Variants in GNAI3 observed in about 807,000 individuals in gnomAD.
GNAI3 encodes the protein G protein subunit alpha i3.
A neutral mutation model predicts 41.8 loss-of-function variants in GNAI3; 12 were observed. The ratio of observed to expected loss-of-function variants is 0.29; its 90% CI spans 0.18 to 0.47. The LOEUF (loss-of-function observed/expected upper bound fraction) is 0.47. GNAI3 is among the 20% of genes least tolerant of loss of function. The pLI, the probability that GNAI3 is intolerant of heterozygous loss-of-function variation, is 1.00. For synonymous variants in GNAI3, 132 were observed against 146.5 expected (o/e 0.90, Z 0.71); for missense variants, 360 against 429.6 (o/e 0.84, Z 1.43).
intron 1 of GNAI3, among the ~76,000 whole-genome samples, chr1:109,569,246 C>T (rs1229759287): frequency 6.6e-6 from 1 of 152,202 alleles, no homozygotes; most frequent in African/African-American, 2.4e-5. Context: ...TCCTAACCCC[C>T]TGCATAGTTC....
rs190125896 is a variant in GNAI3 at position 109,598,142 on chromosome 1, C to T, written c.*5820C>T. The stretch of plus-strand genomic sequence containing the variant: ...TCCTCTTATCTTTTACCTCTCCCTA[C>T]GCCCAAAATTCTCCTTAGGTTATCC... On this transcript the variant is annotated 3_prime_UTR_variant, in exon 9 of 9. Transcript: ENST00000369851. The T allele has an allele frequency of 3.3e-5, 5 of 152,202 alleles. No homozygotes were observed. Among genetic ancestry groups the T allele is most frequent in the Non-Finnish European group, 5.9e-5 (4 of 68,042 alleles). 9.4% of individuals were successfully genotyped at this position (152,202 alleles called of 1,614,324 possible).
intron 1 of GNAI3, among the ~76,000 whole-genome samples, chr1:109,553,380 T>A (rs1648046256): frequency 6.6e-6 from 1 of 152,184 alleles, no homozygotes; most frequent in Non-Finnish European, 1.5e-5. Flanking sequence ...TTGCTGGTGG[T>A]AGTATGGCAA....
intron 1 of GNAI3, among the ~76,000 whole-genome samples, chr1:109,561,239 C>T (rs1315916149): frequency 6.6e-6 from 1 of 152,106 alleles, no homozygotes; most frequent in Non-Finnish European, 1.5e-5. Context: ...TGAAGTAGTT[C>T]TTTCAACTTT....
At position 109,599,087 on chromosome 1, in the gene GNAI3, G is replaced by A. The variant is rs1247921834; in HGVS notation, c.*6765G>A. 1 of 319,820 alleles carries A rather than the reference G, an allele frequency of 3.1e-6. No individual in the cohort carries two copies. The highest frequency in any genetic ancestry group is 7.4e-6 in the Non-Finnish European group (1 of 135,302). The allele number at this position is 319,820 out of a possible 1,614,324, so 19.8% of individuals were successfully genotyped here. ...GGACTATTTGGAGGTACATGTGAGTGGATTTTATTACCAGAGTAGGAACTG... is the reference window on the plus strand; with the variant it reads ...GGACTATTTGGAGGTACATGTGAGTAGATTTTATTACCAGAGTAGGAACTG... On this transcript the variant is annotated 3_prime_UTR_variant, in exon 9 of 9. Coordinates refer to ENST00000369851, the MANE Select transcript of GNAI3 (RefSeq NM_006496.4).
At chr1:109,566,200 A>G (rs1477491708) in intron 1 of GNAI3, among the ~76,000 whole-genome samples, 1 of 152,194 alleles carries the variant, frequency 6.6e-6, no homozygotes, top group Non-Finnish European at 1.5e-5. Context: ...TCTGAGTTGA[A>G]TAGGGGTTTT....
chr1:109,568,947 C>T (rs1217951695), intron 1 of GNAI3, among the ~76,000 whole-genome samples: 1 of 152,164 alleles, frequency 6.6e-6, no homozygotes, highest in Non-Finnish European at 1.5e-5. Flanking sequence ...CTGCCTTGGC[C>T]TCCCAGAGTG....
chr1:109,558,809 A>G (rs370881030), intron 1 of GNAI3, among the ~76,000 whole-genome samples: 1 of 152,112 alleles, frequency 6.6e-6, no homozygotes, highest in African/African-American at 2.4e-5. Flanking sequence ...CTTTGTTTTT[A>G]CCTTTAGTTT....
rs767673555 is a variant in GNAI3 at position 109,597,139 on chromosome 1, T to C, written c.*4817T>C. 13 of 152,176 alleles carry C rather than the reference T, an allele frequency of 8.5e-5. No individual in the cohort carries two copies. The highest frequency in any genetic ancestry group is 1.5e-4 in the Non-Finnish European group (10 of 68,032). 9.4% of individuals were successfully genotyped at this position (152,176 alleles called of 1,614,324 possible). On this transcript the variant is annotated 3_prime_UTR_variant, in exon 9 of 9. Transcript: ENST00000369851. ...TTTGGAGCATTTTAGATTTTGGATT[T>C]TCAGATTTGAAATGCTCAATCTATA...
chr1:109,579,881 A>G (rs897237140), intron 4 of GNAI3, among the ~76,000 whole-genome samples: 2 of 152,184 alleles, frequency 1.3e-5, no homozygotes, highest in African/African-American at 4.8e-5. Flanking sequence ...TTTGTCAAGG[A>G]TATTATCTTG....
chr1:109,584,361 G>T (rs1648983978), intron 5 of GNAI3, among the ~76,000 whole-genome samples: 1 of 152,220 alleles, frequency 6.6e-6, no homozygotes, highest in Non-Finnish European at 1.5e-5. Context: ...TCACTCGTGA[G>T]ACCATAAGAA....
intron 7 of GNAI3, among the ~76,000 whole-genome samples, chr1:109,591,226 T>C (rs1293986654): frequency 2.6e-5 from 4 of 152,200 alleles, no homozygotes; most frequent in Non-Finnish European, 4.4e-5. Context: ...ATTTAAATTA[T>C]TACCTTAAGG....
intron 1 of GNAI3, among the ~76,000 whole-genome samples, chr1:109,554,666 A>G (rs1648095720): frequency 6.6e-6 from 1 of 151,700 alleles, no homozygotes; most frequent in South Asian, 2.1e-4. Flanking sequence ...GGTTGTCTGT[A>G]CTCTGCTGAT....
At chr1:109,578,384 C>T (rs1184133108) in intron 3 of GNAI3, among the ~76,000 whole-genome samples, 5 of 148,952 alleles carry the variant, frequency 3.4e-5, no homozygotes, top group Admixed American at 1.4e-4. Context: ...GCAGGAGAAT[C>T]GCTAGAACCC....
chr1:109,570,524 C>G (rs1026393481), intron 1 of GNAI3, among the ~76,000 whole-genome samples: 3 of 152,108 alleles, frequency 2.0e-5, no homozygotes, highest in Non-Finnish European at 2.9e-5. Context: ...AAATATAACA[C>G]AGAATAAGGG....
chr1:109,590,882 C>T (rs984852935), intron 7 of GNAI3, among the ~76,000 whole-genome samples: 6 of 152,012 alleles, frequency 3.9e-5, no homozygotes, highest in African/African-American at 4.8e-5. Context: ...TCTTAAGCTC[C>T]GTTTTGTTAC....
Position 109,597,762 on chromosome 1 carries a change from C to T in GNAI3, c.*5440C>T, listed in dbSNP as rs189048454. ...TTTATGCAGTGAAAATTGAAAGATA[C>T]ACCAAATTAAAGATAAAACCCTGTG... On this transcript the variant is annotated 3_prime_UTR_variant, in exon 9 of 9. Coordinates refer to ENST00000369851, the MANE Select transcript of GNAI3 (RefSeq NM_006496.4). The T allele has an allele frequency of 1.6e-3, 241 of 152,246 alleles. No individual in the cohort carries two copies. Among genetic ancestry groups the T allele is most frequent in the African/African-American group, 5.4e-3 (223 of 41,548 alleles). 9.4% of individuals were successfully genotyped at this position (152,246 alleles called of 1,614,324 possible).
rs183382334 is a variant in GNAI3 at position 109,582,393 on chromosome 1, A to G, written c.462-44A>G. ...TTTAGTCTGTTCATTTGCTATGCAC[A>G]TGGTTGGCTTCACCAAGTAAAAGTA... On this transcript the variant is annotated intron_variant, in intron 4 of 8. Transcript: ENST00000369851. The G allele has an allele frequency of 1.6e-5, 25 of 1,546,050 alleles. No homozygotes were observed. In the East Asian group the frequency reaches 3.8e-4, roughly 24 times the overall value.
At chr1:109,559,004 C>G (rs1424093953) in intron 1 of GNAI3, among the ~76,000 whole-genome samples, 1 of 151,934 alleles carries the variant, frequency 6.6e-6, no homozygotes, top group African/African-American at 2.4e-5. Context: ...TGGTGAAACT[C>G]CATCTCTACT....
rs1649334276 is a variant in GNAI3, at chr1:109,597,421, C to T, written c.*5099C>T. 6.6e-6 allele frequency: 1 copy of T among 151,736 alleles called. No homozygotes were observed. Among genetic ancestry groups the T allele is most frequent in the Admixed American group, 6.6e-5 (1 of 15,222 alleles). 9.4% of individuals were successfully genotyped at this position (151,736 alleles called of 1,614,324 possible). A position where few individuals can be genotyped will look rare whatever the true frequency, so the allele number is the denominator to read the frequency against. Reference sequence around the variant, plus strand: ...AGGTTGCAGTGAGCCGAGATCGCACCACTGAATTCCAGCCTGGGCGACAGA... The same window carrying T: ...AGGTTGCAGTGAGCCGAGATCGCACTACTGAATTCCAGCCTGGGCGACAGA... On this transcript the variant is annotated 3_prime_UTR_variant, in exon 9 of 9. Transcript: ENST00000369851.
Sources: gnomAD v4.1 joint callset for allele counts (sites outside exome capture counted in the v4.1 genomes callset) on GRCh38, gnomAD v4.1.1 for gene constraint, MANE v1.5 for transcripts, NCBI Gene and HGNC (gene_info 2026-07-23, HGNC 2026-07-21) for gene names.